ACOT1: variants seen among roughly 807,000 people sequenced by gnomAD.
ACOT1 encodes acyl-CoA thioesterase 1, also known as acyl-coenzyme A thioesterase 1.
In ACOT1, 8 loss-of-function variants were observed where a neutral mutation model predicts 15.7. The ratio of observed to expected loss-of-function variants is 0.51; its 90% CI spans 0.30 to 0.92. The LOEUF (loss-of-function observed/expected upper bound fraction) is 0.92, where lower values mean the gene tolerates loss of function less well. Among genes scored for constraint, ACOT1 ranks in the 40% least tolerant of loss-of-function variants. The probability of loss-of-function intolerance (pLI) is 0.06; values close to 1 mark genes in which losing one functional copy is unlikely to be tolerated. For synonymous variants in ACOT1, 67 were observed against 241.2 expected (o/e 0.28, Z 6.69); for missense variants, 151 against 539.4 (o/e 0.28, Z 7.13).
chr14:73,518,646 G>C, the ACOT1 span, among the ~76,000 whole-genome samples: 3 of 152,104 alleles, frequency 2.0e-5, no homozygotes, highest in Non-Finnish European at 4.4e-5. Context: ...GGAGTGGGAG[G>C]GTAGAGCCAG....
At chr14:73,506,693 G>A in the ACOT1 span, 2 of 649,562 alleles carry the variant, frequency 3.1e-6, no homozygotes, top group South Asian at 2.0e-5. Context: ...TACAAGAGAT[G>A]GGGCATGTTT....
rs1465264432 is a variant in ACOT1, at chr14:73,542,697, C to A, written c.661-353C>A. On this transcript the variant is annotated intron_variant, in intron 2 of 2. Coordinates refer to ENST00000311148, the MANE Select transcript of ACOT1 (RefSeq NM_001037161.2). ...TTGGGATTACAGGCGTCAGCCACCA[C>A]GCCCGGCCATGAGATGACGTACTTG... Among the ~76,000 whole-genome samples the A allele has an allele frequency of 1.8e-5, 2 of 112,042 alleles. 1 individual carries two copies. Among genetic ancestry groups the A allele is most frequent in the African/African-American group, 6.0e-5 (2 of 33,082 alleles). The allele number at this position is 112,042 out of a possible 152,430, so 73.5% of individuals were successfully genotyped here.
At chr14:73,509,243 G>T in the ACOT1 span, 1 of 1,444,506 alleles carries the variant, frequency 6.9e-7, no homozygotes, top group Non-Finnish European at 9.7e-7. Flanking sequence ...GAGAGGAAAG[G>T]ACTGGGAAAG....
At chr14:73,520,692 C>T in the ACOT1 span, 1 of 649,604 alleles carries the variant, frequency 1.5e-6, no homozygotes, top group African/African-American at 1.8e-5. Flanking sequence ...CTCCCCGACC[C>T]AACTCCTGTG....
chr14:73,541,059 A>AT (rs1295491892), intron 1 of ACOT1, among the ~76,000 whole-genome samples: 1 of 114,004 alleles, frequency 8.8e-6, no homozygotes, highest in Non-Finnish European at 1.9e-5. Flanking sequence ...TTATTCTTTA[A>AT]TTTTGTGTGA....
chr14:73,531,616 C>A, the ACOT1 span, among the ~76,000 whole-genome samples: 20 of 108,068 alleles, frequency 1.9e-4, 4 homozygotes, highest in Middle Eastern at 9.8e-3. Flanking sequence ...ACCATATTGG[C>A]CAGGCTGTTC....
chr14:73,518,792 G>A, the ACOT1 span, among the ~76,000 whole-genome samples: 1 of 152,194 alleles, frequency 6.6e-6, no homozygotes, highest in Non-Finnish European at 1.5e-5. Context: ...TTATACCTAA[G>A]TTATATCAGA....
intron 1 of ACOT1, among the ~76,000 whole-genome samples, chr14:73,538,992 AAAC>A (rs1888980492): frequency 1.7e-5 from 2 of 116,054 alleles, no homozygotes; most frequent in African/African-American, 2.8e-5. Flanking sequence ...AACAAAAAAC[AAAC>A]AACAACAACA....
rs1372920028 is a variant in ACOT1 at position 73,537,337 on chromosome 14, G to A, written c.-85G>A. ...CCTAGTGGGCGTTTAGCCTGCGACG[G>A]CAGCCCGAGAGGAAGAGTTGGGCAG... On this transcript the variant is annotated 5_prime_UTR_variant, in exon 1 of 3. Transcript: ENST00000311148. 1.8e-5 allele frequency: 20 copies of A among 1,136,672 alleles called. No individual in the cohort carries two copies. The highest frequency in any genetic ancestry group is 2.3e-5 in the Non-Finnish European group (20 of 851,676). The allele number at this position is 1,136,672 out of a possible 1,614,324, so 70.4% of individuals were successfully genotyped here.
chr14:73,491,980 C>T, the ACOT1 span: 19 of 1,613,880 alleles, frequency 1.2e-5, no homozygotes, highest in Non-Finnish European at 1.5e-5. Context: ...AGTTTGGAAG[C>T]ATGGCAGGCT....
chr14:73,542,403 C>CTTTCT lies in ACOT1; in HGVS notation c.661-644_661-643insCTTTT, dbSNP rs1465680736. On this transcript the variant is annotated intron_variant, in intron 2 of 2. Transcript: ENST00000311148. ...TTAAATTCCAGTATGTTTTTTCTTT[C>CTTTCT]TTTTTTTTTTTTTTTTTTTAAGACG... Among the ~76,000 whole-genome samples the CTTTCT allele has an allele frequency of 4.8e-5, 4 of 83,492 alleles. 1 individual carries two copies. The highest frequency in any genetic ancestry group is 1.6e-4 in the African/African-American group (4 of 24,598). The allele number at this position is 83,492 out of a possible 152,430, so 54.8% of individuals were successfully genotyped here. A position where few individuals can be genotyped will look rare whatever the true frequency, so the allele number is the denominator to read the frequency against.
chr14:73,493,205 C>A, the ACOT1 span: 1 of 1,109,768 alleles, frequency 9.0e-7, no homozygotes, highest in Non-Finnish European at 1.4e-6. Flanking sequence ...CCAACTTCAT[C>A]ACCTTCAGGC....
chr14:73,507,611 T>C, the ACOT1 span, among the ~76,000 whole-genome samples: 1,960 of 152,046 alleles, frequency 0.013, 18 homozygotes, highest in Middle Eastern at 0.02. Flanking sequence ...TTTTATTTCT[T>C]TTTTTGTAGA....
chr14:73,506,821 T>TTTTTTTTTTTTTTTTTG, the ACOT1 span, among the ~76,000 whole-genome samples: 1 of 138,478 alleles, frequency 7.2e-6, no homozygotes, highest in African/African-American at 3.1e-5. Context: ...TTTTTTTTTT[T>TTTTTTTTTTTTTTTTTG]TTTTCTGAGA....
the ACOT1 span, among the ~76,000 whole-genome samples, chr14:73,510,561 G>A: frequency 4.6e-5 from 7 of 152,098 alleles, no homozygotes; most frequent in Middle Eastern, 3.4e-3. Flanking sequence ...TCAGCCTTCC[G>A]AGTATCTGGG....
chr14:73,514,004 A>G, the ACOT1 span: 1 of 1,606,538 alleles, frequency 6.2e-7, no homozygotes, highest in African/African-American at 1.3e-5. Flanking sequence ...ACAAACGTAC[A>G]GTATCACAGG....
the ACOT1 span, among the ~76,000 whole-genome samples, chr14:73,525,353 A>G: frequency 5.9e-5 from 9 of 152,184 alleles, no homozygotes; most frequent in African/African-American, 1.7e-4. Flanking sequence ...TTTCATCTAG[A>G]TGCCATTAGG....
At chr14:73,522,598 C>T in the ACOT1 span, 1 of 1,614,262 alleles carries the variant, frequency 6.2e-7, no homozygotes, top group Non-Finnish European at 8.5e-7. Flanking sequence ...CTCTTTCCTC[C>T]AGGTTCACAT....
At chr14:73,530,148 G>A in the ACOT1 span, 1 of 126,818 alleles carries the variant, frequency 7.9e-6, no homozygotes, top group Non-Finnish European at 1.7e-5. Flanking sequence ...AACTTTTTTT[G>A]TAGAGACAGG....
Sources: allele counts gnomAD v4.1 joint callset (sites outside exome capture counted in the v4.1 genomes callset), GRCh38; gene constraint gnomAD v4.1.1; transcripts MANE v1.5; gene names NCBI Gene and HGNC (gene_info 2026-07-23, HGNC 2026-07-21).